The following C1orf146 variants were observed in gnomAD, a reference collection of about 807,000 sequenced individuals.
The protein encoded by C1orf146 is chromosome 1 open reading frame 146, also known as protein SPO16 homolog.
A neutral mutation model predicts 23.0 loss-of-function variants in C1orf146; 22 were observed. The ratio of observed to expected loss-of-function variants is 0.96; its 90% confidence interval spans 0.68 to 1.36. The LOEUF (loss-of-function observed/expected upper bound fraction) is 1.36. C1orf146 is among the 40% of genes most tolerant of loss of function. The pLI is 0.00. For synonymous variants in C1orf146, 59 were observed against 65.3 expected (o/e 0.90, Z 0.47); for missense variants, 199 against 206.8 (o/e 0.96, Z 0.23).
intron 1 of C1orf146, among the ~76,000 whole-genome samples, chr1:92,221,122 A>G (rs956398601): frequency 1.3e-5 from 2 of 152,226 alleles, no homozygotes; most frequent in African/African-American, 4.8e-5. Context: ...AAGAAAATGA[A>G]CATATACATC....
At chr1:92,229,517 C>A in intron 1 of C1orf146, 2 of 413,134 alleles carry the variant, frequency 4.8e-6, no homozygotes, top group South Asian at 2.0e-5. Flanking sequence ...GGACCTGATC[C>A]GGAAGTTTGG....
chr1:92,244,608 T>TATAAA (rs1652526540), intron 4 of C1orf146, among the ~76,000 whole-genome samples, 171 bp from the exon 5 acceptor site: 1 of 152,206 alleles, frequency 6.6e-6, no homozygotes, highest in South Asian at 2.1e-4. Flanking sequence ...AACACTTTTT[T>TATAAA]AGTCAGTGAT....
chr1:92,234,042 C>T (rs1652206787), intron 2 of C1orf146, among the ~76,000 whole-genome samples: 1 of 152,202 alleles, frequency 6.6e-6, no homozygotes, highest in Non-Finnish European at 1.5e-5. Flanking sequence ...GATACACAAT[C>T]ATGTCATCTG....
chr1:92,219,033 A>G (rs542754466), intron 1 of C1orf146, among the ~76,000 whole-genome samples: 7 of 152,328 alleles, frequency 4.6e-5, no homozygotes, highest in East Asian at 1.9e-4. Context: ...TTTAAAACCT[A>G]TGTATAAGGG....
At chr1:92,230,527 A>G (rs867702248) in intron 1 of C1orf146, among the ~76,000 whole-genome samples, 12 of 151,136 alleles carry the variant, frequency 7.9e-5, no homozygotes, top group Middle Eastern at 6.4e-3. Flanking sequence ...GAGGCAGGAG[A>G]ATGGCATGAA....
rs1385280381 is a variant in C1orf146, at chr1:92,242,224, G to A, written c.79G>A (p.Ala27Thr). 1.3e-6 allele frequency: 2 copies of A among 1,582,084 alleles called. No individual in the cohort carries two copies. Among genetic ancestry groups the A allele is most frequent in the Non-Finnish European group, 1.7e-6 (2 of 1,159,328 alleles). ...ISSSLKSYEV[A>T]TALENRSHKV... ...TTTTTTAAAAAAGAGTTATGAAGTT[G>A]CAACTGCCCTAGAAAATCGAAGCCA... The change falls in exon 3 of 6, where the codon GCA becomes ACA. Residue 27 changes from alanine to threonine, a missense_variant. Transcript: ENST00000370375.
At position 92,245,643 on chromosome 1, in the gene C1orf146, A is replaced by C; in HGVS notation, c.512A>C (p.Lys171Thr). 6.3e-7 allele frequency: 1 copy of C among 1,591,106 alleles called. No homozygotes were observed. Residue 171 changes from lysine (K) to threonine (T), a missense_variant, in exon 6 of 6, where the codon AAA becomes ACA. Coordinates refer to ENST00000370375, the MANE Select transcript of C1orf146 (RefSeq NM_001012425.2). ...SPVWKTLQKI[K>T]LNSDSVNPN ...GTTTGGAAAACACTTCAGAAGATAAAACTGAATAGTGATTCAGTTAACCCA... is the reference window on the plus strand; with the variant it reads ...GTTTGGAAAACACTTCAGAAGATAACACTGAATAGTGATTCAGTTAACCCA...
intron 2 of C1orf146, among the ~76,000 whole-genome samples, chr1:92,233,464 T>A (rs549731045): frequency 1.3e-5 from 2 of 152,302 alleles, no homozygotes; most frequent in South Asian, 4.1e-4. Context: ...GTTCCGTTGA[T>A]CTATATCTCT....
At chr1:92,245,307 T>G (rs1570802036) in intron 5 of C1orf146, among the ~76,000 whole-genome samples, 1 of 152,218 alleles carries the variant, frequency 6.6e-6, no homozygotes, top group Non-Finnish European at 1.5e-5. Flanking sequence ...ACTTGGAACA[T>G]ATCCCCATTA....
intron 1 of C1orf146, chr1:92,229,307 G>A (rs1238292963): frequency 1.8e-6 from 1 of 551,086 alleles, no homozygotes; most frequent in African/African-American, 1.9e-5. Flanking sequence ...TGCAGTTGAA[G>A]GTGGTCTTGT....
At chr1:92,220,969 A>G (rs960036964) in intron 1 of C1orf146, among the ~76,000 whole-genome samples, 1 of 152,204 alleles carries the variant, frequency 6.6e-6, no homozygotes. Flanking sequence ...AGAACTGTGA[A>G]AAGTCTTATC....
intron 1 of C1orf146, among the ~76,000 whole-genome samples, chr1:92,222,557 T>C (rs894646840): frequency 1.6e-4 from 19 of 120,432 alleles, no homozygotes; most frequent in African/African-American, 5.7e-4. Flanking sequence ...TTTTTTTTTT[T>C]GTCACTATAG....
intron 2 of C1orf146, chr1:92,240,715 G>C (rs1026173045): frequency 6.0e-6 from 1 of 167,592 alleles, no homozygotes; most frequent in East Asian, 1.9e-4. Flanking sequence ...GTAGAAAGAA[G>C]GTCTCGCTAC....
At chr1:92,227,662 A>G (rs1261552125) in intron 1 of C1orf146, among the ~76,000 whole-genome samples, 1 of 152,160 alleles carries the variant, frequency 6.6e-6, no homozygotes, top group Non-Finnish European at 1.5e-5. Flanking sequence ...CCCTCATTTT[A>G]AAAACATATT....
intron 4 of C1orf146, 141 bp downstream of exon 4, chr1:92,244,526 T>C (rs1223819960): frequency 4.1e-6 from 3 of 729,934 alleles, no homozygotes; most frequent in Non-Finnish European, 6.6e-6. Flanking sequence ...ATGGGCCAAA[T>C]AGCTATTCTA....
chr1:92,228,235 C>T (rs372617985), intron 1 of C1orf146, among the ~76,000 whole-genome samples: 5 of 152,120 alleles, frequency 3.3e-5, no homozygotes, highest in East Asian at 1.9e-4. Flanking sequence ...TTTACTTTTA[C>T]AGTTTCAAAT....
At chr1:92,219,263 T>C (rs1651761465) in intron 1 of C1orf146, among the ~76,000 whole-genome samples, 1 of 152,124 alleles carries the variant, frequency 6.6e-6, no homozygotes, top group African/African-American at 2.4e-5. Flanking sequence ...AATCTTTGAG[T>C]GTCTACTGAG....
intron 1 of C1orf146, among the ~76,000 whole-genome samples, chr1:92,226,311 T>C (rs1273023069): frequency 6.6e-6 from 1 of 152,086 alleles, no homozygotes; most frequent in Non-Finnish European, 1.5e-5. Flanking sequence ...TATTTCAGAT[T>C]AACGCTAAAT....
intron 2 of C1orf146, among the ~76,000 whole-genome samples, chr1:92,240,154 A>C (rs942897017): frequency 1.3e-5 from 2 of 152,198 alleles, no homozygotes; most frequent in Admixed American, 1.3e-4. Flanking sequence ...TCAGGGATTG[A>C]AATGGTTTGA....
Sources: gnomAD v4.1 joint callset for allele counts (sites outside exome capture counted in the v4.1 genomes callset) on GRCh38, gnomAD v4.1.1 for gene constraint, MANE v1.5 for transcripts, NCBI Gene and HGNC (gene_info 2026-07-23, HGNC 2026-07-21) for gene names.